AOPEP: variants seen among roughly 807,000 people sequenced by gnomAD.
The protein encoded by AOPEP is aminopeptidase O.
A neutral mutation model predicts 98.1 loss-of-function variants in AOPEP; 77 were observed. That is an observed-to-expected ratio of 0.78 (90% CI 0.65 to 0.95). The LOEUF (loss-of-function observed/expected upper bound fraction) is 0.95. AOPEP is among the 40% of genes least tolerant of loss of function. The probability of loss-of-function intolerance (pLI) is 0.00; values close to 1 mark genes in which losing one functional copy is unlikely to be tolerated. For synonymous variants in AOPEP, 346 were observed against 365.3 expected, an observed-to-expected ratio of 0.95 and a Z score of 0.60; for missense variants, 1,024 against 1,024.7, an observed-to-expected ratio of 1.00 and a Z score of 0.01.
At chr9:95,135,600 AGAC>A in the AOPEP span, 2 of 995,576 alleles carry the variant, frequency 2.0e-6, no homozygotes, top group Non-Finnish European at 3.1e-6. Context: ...CCAATTTGTG[AGAC>A]TTCTCATCAT....
intron 5 of AOPEP, among the ~76,000 whole-genome samples, chr9:94,833,331 A>C (rs974917296): frequency 3.8e-5 from 5 of 132,762 alleles, no homozygotes; most frequent in Admixed American, 1.8e-4. Context: ...TTTGCCTCCT[A>C]GGTTCAAGTG....
chr9:94,791,099 T>C (rs987247076), intron 3 of AOPEP, among the ~76,000 whole-genome samples: 2 of 152,028 alleles, frequency 1.3e-5, no homozygotes, highest in Non-Finnish European at 2.9e-5. Context: ...TAAATGCCCA[T>C]CGATGTTAGA....
chr9:94,774,335 G>A (rs1180655724), intron 3 of AOPEP, among the ~76,000 whole-genome samples: 4 of 146,192 alleles, frequency 2.7e-5, no homozygotes, highest in African/African-American at 1.0e-4. Flanking sequence ...AAAAAAAAAG[G>A]GCATCTCCTT....
At chr9:94,861,040 C>G (rs2135419833) in intron 5 of AOPEP, among the ~76,000 whole-genome samples, 1 of 152,276 alleles carries the variant, frequency 6.6e-6, no homozygotes, top group South Asian at 2.1e-4. Context: ...GCTGACAATG[C>G]TATGAGATTC....
chr9:94,971,915 C>T (rs2059559424), intron 10 of AOPEP, among the ~76,000 whole-genome samples: 1 of 152,186 alleles, frequency 6.6e-6, no homozygotes. Context: ...CAGCTCTGAG[C>T]CTTCAGGCAC....
chr9:95,117,938 T>A, the AOPEP span, among the ~76,000 whole-genome samples: 1 of 152,172 alleles, frequency 6.6e-6, no homozygotes, highest in Non-Finnish European at 1.5e-5. Context: ...GTCAGGCTGG[T>A]CTCGAACTCC....
intron 5 of AOPEP, among the ~76,000 whole-genome samples, chr9:94,878,873 T>C (rs1270396230): frequency 1.3e-5 from 2 of 152,182 alleles, no homozygotes; most frequent in Non-Finnish European, 1.5e-5. Flanking sequence ...GGAATTGCAA[T>C]AGAGAAAGAG....
intron 14 of AOPEP, among the ~76,000 whole-genome samples, chr9:95,073,825 C>T (rs2068759626): frequency 6.6e-6 from 1 of 152,140 alleles, no homozygotes; most frequent in Non-Finnish European, 1.5e-5. Context: ...CGTCACTGTA[C>T]TCCAGCCTGG....
At chr9:94,740,215 G>A (rs1241515255) in intron 1 of AOPEP, among the ~76,000 whole-genome samples, 1 of 152,056 alleles carries the variant, frequency 6.6e-6, no homozygotes, top group African/African-American at 2.4e-5. Context: ...GAATAATTTT[G>A]GAGGGCTCTA....
chr9:95,057,081 G>A (rs568805388), intron 13 of AOPEP, among the ~76,000 whole-genome samples: 8 of 152,330 alleles, frequency 5.3e-5, no homozygotes, highest in Admixed American at 1.3e-4. Flanking sequence ...AACTGTGGGT[G>A]TGAGCACTGT....
Position 95,082,518 on chromosome 9 carries a change from CGTGTGTGTGG to C in AOPEP, c.2320-54_2320-45del. 1.3e-5 allele frequency: 21 copies of C among 1,584,510 alleles called. No homozygotes were observed. The South Asian group carries it at 2.1e-4, about 16-fold the overall frequency. On this transcript the variant is annotated intron_variant, in intron 15 of 16. Coordinates refer to ENST00000375315, the MANE Select transcript of AOPEP (RefSeq NM_001193329.3). Reference sequence around the variant, plus strand: ...CAAGCACAGACTGAGCTCATGTGTGCGTGTGTGTGGGTACCCACACCTTCGCCTGATGCCC... The same window carrying C: ...CAAGCACAGACTGAGCTCATGTGTGCGTACCCACACCTTCGCCTGATGCCC...
At chr9:94,887,399 A>C (rs1335272543) in intron 5 of AOPEP, among the ~76,000 whole-genome samples, 1 of 152,098 alleles carries the variant, frequency 6.6e-6, no homozygotes, top group Non-Finnish European at 1.5e-5. Flanking sequence ...AAATTCACAC[A>C]GGATGGAATT....
chr9:94,927,799 G>A (rs1312666350), intron 6 of AOPEP, among the ~76,000 whole-genome samples: 1 of 152,190 alleles, frequency 6.6e-6, no homozygotes, highest in Admixed American at 6.5e-5. Flanking sequence ...GTGGATAGAC[G>A]TCTTCCCTCC....
At chr9:94,970,708 A>T in intron 10 of AOPEP, among the ~76,000 whole-genome samples, 1 of 151,894 alleles carries the variant, frequency 6.6e-6, no homozygotes, top group East Asian at 2.0e-4. Flanking sequence ...GTCTTGAAAA[A>T]AAAAAAACAG....
intron 5 of AOPEP, among the ~76,000 whole-genome samples, chr9:94,906,482 T>TAATAATAATAATAA (rs1367536683): frequency 1.0e-5 from 1 of 95,380 alleles, no homozygotes. Flanking sequence ...ATAATAATAA[T>TAATAATAATAATAA]AAAAAAACAG....
intron 5 of AOPEP, among the ~76,000 whole-genome samples, chr9:94,848,812 G>A (rs2043175104): frequency 2.0e-5 from 3 of 152,090 alleles, no homozygotes; most frequent in Admixed American, 2.0e-4. Context: ...TTTTTGAGAT[G>A]GAGTTTCGCC....
At chr9:95,114,399 T>C in the AOPEP span, 6 of 596,896 alleles carry the variant, frequency 1.0e-5, no homozygotes, top group African/African-American at 9.2e-5. Flanking sequence ...AACATTTCGA[T>C]ACAGGTATTG....
downstream of AOPEP, among the ~76,000 whole-genome samples, chr9:95,089,505 A>G (rs1012202382): frequency 1.3e-5 from 2 of 152,240 alleles, no homozygotes; most frequent in African/African-American, 2.4e-5. Context: ...GCAGGTCCAC[A>G]TGGCTCAGAG....
At chr9:94,849,456 TA>T (rs1250294243) in intron 5 of AOPEP, among the ~76,000 whole-genome samples, 5 of 152,060 alleles carry the variant, frequency 3.3e-5, no homozygotes, top group African/African-American at 1.2e-4. Context: ...TCCCAATTGT[TA>T]AATGTTACCT....
Sources: allele counts gnomAD v4.1 joint callset (sites outside exome capture counted in the v4.1 genomes callset), GRCh38; gene constraint gnomAD v4.1.1; transcripts MANE v1.5; gene names NCBI Gene and HGNC (gene_info 2026-07-23, HGNC 2026-07-21).